AP5Z1: variants seen among roughly 807,000 people sequenced by gnomAD.
AP5Z1 encodes the protein AP-5 complex subunit zeta-1.
In AP5Z1, 106 loss-of-function variants were observed where a neutral mutation model predicts 83.0. That is an observed-to-expected ratio of 1.28 (90% CI 1.09 to 1.50). AP5Z1 has a LOEUF of 1.50. AP5Z1 is among the 40% of genes most tolerant of loss of function. The pLI is 0.00. For missense variants in AP5Z1, 1,565 were observed against 1,094.2 expected (o/e 1.43, Z -6.07); for synonymous variants, 751 against 514.1 (o/e 1.46, Z -6.23).
intron 7 of AP5Z1, among the ~76,000 whole-genome samples, 158 bp from the exon 8 acceptor site, chr7:4,785,257 C>A (rs960409055): frequency 2.0e-5 from 3 of 152,214 alleles, no homozygotes; most frequent in African/African-American, 7.2e-5. Flanking sequence ...CCCTGTCCCA[C>A]CTGGGCCCCT....
chr7:4,792,938 C>A lies in AP5Z1; in HGVS notation c.*1553C>A. 1 of 159,108 alleles carries A rather than the reference C, an allele frequency of 6.3e-6. No individual in the cohort carries two copies. Among genetic ancestry groups the A allele is most frequent in the Non-Finnish European group, 1.4e-5 (1 of 72,164 alleles). 9.9% of individuals were successfully genotyped at this position (159,108 alleles called of 1,614,324 possible). A position where few individuals can be genotyped will look rare whatever the true frequency, so the allele number is the denominator to read the frequency against. On this transcript the variant is annotated 3_prime_UTR_variant, in exon 17 of 17. Coordinates refer to ENST00000649063, the MANE Select transcript of AP5Z1 (RefSeq NM_014855.3). ...GCCCCTAGGCTCGGAATGAGTCTCC[C>A]ACTGAGTCCGCAGCTCCCCTCCTGC... is the stretch of plus-strand genomic sequence containing the variant.
chr7:4,779,417 A>T (rs981517155), intron 1 of AP5Z1, among the ~76,000 whole-genome samples: 1 of 144,002 alleles, frequency 6.9e-6, no homozygotes, highest in African/African-American at 2.7e-5. Context: ...TAACATGATA[A>T]CATATATATC....
chr7:4,791,368 G>T lies in AP5Z1; in HGVS notation c.2407G>T (p.Gly803Cys), dbSNP rs201682318. The T allele has an allele frequency of 2.5e-6, 4 of 1,606,712 alleles. No individual in the cohort carries two copies. In the African/African-American group the frequency reaches 4.0e-5, roughly 16 times the overall value. ...CAGCCGGCTGGTGGAGAGGGAGGCCGGCCTCATGCCAGGGTGAAGGGACAG... is the reference window on the plus strand; with the variant it reads ...CAGCCGGCTGGTGGAGAGGGAGGCCTGCCTCATGCCAGGGTGAAGGGACAG... ...TVSRLVEREA[G>C]LMPG Residue 803 changes from glycine to cysteine, a missense_variant, in exon 17 of 17, where the codon GGC (glycine) becomes TGC (cysteine). Transcript: ENST00000649063.
Position 4,785,155 on chromosome 7 carries a change from G to C in AP5Z1, c.931+107G>C, listed in dbSNP as rs1267531435. 5.4e-6 allele frequency: 8 copies of C among 1,484,236 alleles called. No individual in the cohort carries two copies. The African/African-American group carries it at 1.1e-4, about 21-fold the overall frequency. 91.9% of individuals were successfully genotyped at this position (1,484,236 alleles called of 1,614,324 possible). A position where few individuals can be genotyped will look rare whatever the true frequency, so the allele number is the denominator to read the frequency against. ...CCCTGAGCTACTGCTCCACAGAGGG[G>C]GTCCCTGGGTAGCCGGTTTGGAGCA... is the stretch of plus-strand genomic sequence containing the variant. On this transcript the variant is annotated intron_variant, in intron 7 of 16. Transcript: ENST00000649063.
chr7:4,784,032 G>A (rs534268236), intron 5 of AP5Z1, among the ~76,000 whole-genome samples, 171 bp from the exon 6 acceptor site: 66 of 152,324 alleles, frequency 4.3e-4, no homozygotes, highest in Non-Finnish European at 7.4e-4. Context: ...TGCGACGCGC[G>A]TCTGCCTGGG....
At chr7:4,790,181 C>A (rs2115127180) in intron 14 of AP5Z1, 4 of 1,536,618 alleles carry the variant, frequency 2.6e-6, no homozygotes, top group Non-Finnish European at 3.5e-6. Flanking sequence ...TCCCTCTTCC[C>A]CGTCTTGTCC....
rs1188979672 is a variant in AP5Z1 at position 4,783,424 on chromosome 7, A to G, written c.475A>G (p.Lys159Glu). 6.2e-7 allele frequency: 1 copy of G among 1,612,888 alleles called. No individual in the cohort carries two copies. The highest frequency in any genetic ancestry group is 8.5e-7 in the Non-Finnish European group (1 of 1,179,734). ...CAGACACCTCCTCCCCGTCATGGCC[A>G]AGGTCGTGGTCCTCAGCCCGGGCAC... is the stretch of plus-strand genomic sequence containing the variant. The part of the protein sequence containing the change: ...SLRHLLPVMA[K>E]VVVLSPGTLQ... The change falls in exon 4 of 17, where the codon AAG (lysine) becomes GAG (glutamate). Residue 159 changes from lysine to glutamate, a missense_variant. Transcript: ENST00000649063.
Position 4,781,188 on chromosome 7 carries a change from G to C in AP5Z1, c.55G>C (p.Glu19Gln). 1 of 1,613,690 alleles carries C rather than the reference G, an allele frequency of 6.2e-7. No individual in the cohort carries two copies. ...LLHQAREIQD[E>Q]ELKKFCSRIC... The stretch of plus-strand genomic sequence containing the variant: ...TTCTTTGTTTAGGGAGATCCAGGAC[G>C]AGGAGCTGAAGAAGTTCTGTTCCCG... Residue 19 changes from glutamate to glutamine, a missense_variant, in exon 2 of 17, where the codon GAG becomes CAG. Transcript: ENST00000649063.
At chr7:4,788,105 G>A (rs758549991) in intron 11 of AP5Z1, 49 bp from the exon 12 acceptor site, 20 of 1,472,932 alleles carry the variant, frequency 1.4e-5, no homozygotes, top group Admixed American at 5.0e-5. Flanking sequence ...GGGTGCCCTT[G>A]AGTGCAGGGG....
rs867405153 is a variant in AP5Z1, at chr7:4,788,770, C to T, written c.1596-70C>T. 3.6e-5 allele frequency: 49 copies of T among 1,345,030 alleles called. 2 individuals are homozygous for T. The Middle Eastern group carries it at 2.8e-3, about 78-fold the overall frequency. 83.3% of individuals were successfully genotyped at this position (1,345,030 alleles called of 1,614,324 possible). On this transcript the variant is annotated intron_variant, in intron 12 of 16. Coordinates refer to ENST00000649063, the MANE Select transcript of AP5Z1 (RefSeq NM_014855.3). ...TCAGCTGTGCGAGAGGGAGCAGTGG[C>T]GACGTGGCCCCGGCCTGCAGTCACC...
rs757128156 is a variant in AP5Z1 at position 4,787,686 on chromosome 7, C to T, written c.1364C>T (p.Pro455Leu). The T allele has an allele frequency of 2.4e-5, 38 of 1,552,636 alleles. No individual in the cohort carries two copies. The highest frequency in any genetic ancestry group is 1.7e-4 in the Middle Eastern group (1 of 5,870). ...ACCTCCGAGTTTGTGGCGCTCCTCC[C>T]GGCCCTGGTGGACGCTGGCACAGCC... is the stretch of plus-strand genomic sequence containing the variant. Reference protein sequence around the residue: ...PLTSEFVALLPALVDAGTALE... With the variant: ...PLTSEFVALLLALVDAGTALE... Residue 455 changes from proline (P) to leucine (L), a missense_variant, in exon 11 of 17, where the codon CCG (proline) becomes CTG (leucine). Coordinates refer to ENST00000649063, the MANE Select transcript of AP5Z1 (RefSeq NM_014855.3).
chr7:4,785,432 G>T lies in AP5Z1; in HGVS notation c.949G>T (p.Asp317Tyr), dbSNP rs775289012. ...QSNRRALRKG[D>Y]SDLQKACLVE... Reference sequence around the variant, plus strand: ...CCTTCCAGGAGCCCTGAGGAAGGGGGACTCCGACCTGCAGAAAGCTGTAAG... The same window carrying T: ...CCTTCCAGGAGCCCTGAGGAAGGGGTACTCCGACCTGCAGAAAGCTGTAAG... Residue 317 changes from aspartate to tyrosine, a missense_variant, in exon 8 of 17, where the codon GAC becomes TAC. Physicochemically the swap from Asp to Tyr is radical, Grantham distance 160. Transcript: ENST00000649063. The T allele has an allele frequency of 1.2e-6, 2 of 1,613,440 alleles. No homozygotes were observed. Among genetic ancestry groups the T allele is most frequent in the Non-Finnish European group, 1.7e-6 (2 of 1,179,694 alleles).
chr7:4,781,835 G>T, intron 3 of AP5Z1, 81 bp downstream of exon 3: 1 of 1,418,986 alleles, frequency 7.0e-7, no homozygotes, highest in South Asian at 1.6e-5. Flanking sequence ...AGGGGCGCCA[G>T]AGCCGGCAGG....
At chr7:4,790,229 G>A (rs1562414056) in intron 14 of AP5Z1, 2 of 1,549,578 alleles carry the variant, frequency 1.3e-6, no homozygotes, top group Non-Finnish European at 8.7e-7. Flanking sequence ...ATGCATGCAG[G>A]CCCATCCTGG....
In AP5Z1 at chr7:4,784,377, CGGGGTGGGGGGATGACGTCAGACA is replaced by C. The variant is rs1253902725; in HGVS notation, c.790+15_790+38del. ...CCCGGGCACCCTGGACACAGGTGTG[CGGGGTGGGGGGATGACGTCAGACA>C]GGGGTGGGAGGTGGGCGCACTATGG... On this transcript the variant is annotated splice_region_variant and intron_variant, in intron 6 of 16. Coordinates refer to ENST00000649063, the MANE Select transcript of AP5Z1 (RefSeq NM_014855.3). 3 of 778,056 alleles carry C rather than the reference CGGGGTGGGGGGATGACGTCAGACA, an allele frequency of 3.9e-6. No homozygotes were observed. The highest frequency in any genetic ancestry group is 1.6e-5 in the South Asian group (1 of 63,372). 48.2% of individuals were successfully genotyped at this position (778,056 alleles called of 1,614,324 possible). A position where few individuals can be genotyped will look rare whatever the true frequency, so the allele number is the denominator to read the frequency against.
chr7:4,790,980 C>G, intron 16 of AP5Z1, 93 bp downstream of exon 16: 1 of 1,476,660 alleles, frequency 6.8e-7, no homozygotes, highest in East Asian at 2.5e-5. Flanking sequence ...GAAATGGTCG[C>G]AGCAGCGCAG....
At chr7:4,789,992 T>TCCCC in intron 14 of AP5Z1, 63 bp downstream of exon 14, 14 of 516,474 alleles carry the variant, frequency 2.7e-5, no homozygotes, top group South Asian at 1.6e-4. Context: ...CCTCCCCCTC[T>TCCCC]CCCCTCCCCC....
intron 8 of AP5Z1, 26 bp from the exon 9 acceptor site, chr7:4,785,496 C>A: frequency 1.9e-6 from 3 of 1,613,330 alleles, no homozygotes; most frequent in Non-Finnish European, 2.5e-6. Flanking sequence ...CGACTCGGCC[C>A]ATTTGATGTG....
At position 4,792,311 on chromosome 7, in the gene AP5Z1, C is replaced by CT. The variant is rs1781805900; in HGVS notation, c.*927dup. 1 of 151,844 alleles carries CT rather than the reference C, an allele frequency of 6.6e-6. No homozygotes were observed. The highest frequency in any genetic ancestry group is 6.6e-5 in the Admixed American group (1 of 15,266). 9.4% of individuals were successfully genotyped at this position (151,844 alleles called of 1,614,324 possible). ...CGCCCCCAGGCTCAAACTCTTCCCC[C>CT]TCCCCACTCTGGCTCCGCCCCCGGT... On this transcript the variant is annotated 3_prime_UTR_variant, in exon 17 of 17. Transcript: ENST00000649063.
Sources: gnomAD v4.1 joint callset for allele counts (sites outside exome capture counted in the v4.1 genomes callset) on GRCh38, gnomAD v4.1.1 for gene constraint, MANE v1.5 for transcripts, NCBI Gene and HGNC (gene_info 2026-07-23, HGNC 2026-07-21) for gene names.